Variants in GABRB1 observed in about 807,000 individuals in gnomAD.
GABRB1 encodes gamma-aminobutyric acid type A receptor subunit beta1.
Under a neutral mutation model 51.6 loss-of-function variants are expected in GABRB1, and 17 were observed. The observed-to-expected ratio is 0.33, with a 90% CI of 0.23 to 0.49. GABRB1 has a LOEUF of 0.49. Among genes scored for constraint, GABRB1 ranks in the 20% least tolerant of loss-of-function variants. The pLI, the probability that GABRB1 is intolerant of heterozygous loss-of-function variation, is 0.99. For synonymous variants in GABRB1, 247 were observed against 218.9 expected, an observed-to-expected ratio of 1.13 and a Z score of -1.14; for missense variants, 410 against 600.6, an observed-to-expected ratio of 0.68 and a Z score of 3.32.
rs191381135 is a variant in GABRB1 at position 47,185,112 on chromosome 4, C to T, written c.461+23643C>T. On this transcript the variant is annotated intron_variant, in intron 4 of 8. Coordinates refer to ENST00000295454, the MANE Select transcript of GABRB1 (RefSeq NM_000812.4). ...TGTGCCTCAAAGAATGTTCTGCTTG[C>T]ATCTGACATTCAGAAAAATATTATT... Among the ~76,000 whole-genome samples the T allele has an allele frequency of 1.4e-3, 218 of 151,938 alleles. 2 individuals carry two copies. The highest frequency in any genetic ancestry group is 5.2e-3 in the African/African-American group (216 of 41,488).
intron 4 of GABRB1, among the ~76,000 whole-genome samples, chr4:47,316,797 A>G (rs2109959162): frequency 6.6e-6 from 1 of 151,990 alleles, no homozygotes; most frequent in East Asian, 1.9e-4. Context: ...TTGCTTGGTT[A>G]TTTAAGAATT....
chr4:47,237,335 A>AG (rs1450367647), intron 4 of GABRB1, among the ~76,000 whole-genome samples: 1 of 152,042 alleles, frequency 6.6e-6, no homozygotes, highest in African/African-American at 2.4e-5. Context: ...CAAGAGATTG[A>AG]GAAAAACCAG....
chr4:47,093,916 G>A (rs1291512576), intron 3 of GABRB1, among the ~76,000 whole-genome samples: 2 of 151,972 alleles, frequency 1.3e-5, no homozygotes, highest in Non-Finnish European at 2.9e-5. Context: ...CCCAATGAAT[G>A]GAGCAGCTTT....
chr4:47,137,355 A>C (rs1664861654), intron 3 of GABRB1, among the ~76,000 whole-genome samples: 1 of 152,078 alleles, frequency 6.6e-6, no homozygotes, highest in South Asian at 2.1e-4. Flanking sequence ...TTGGTGTGTG[A>C]GTTAACCAGA....
At chr4:47,197,498 T>C (rs952882358) in intron 4 of GABRB1, among the ~76,000 whole-genome samples, 2 of 152,192 alleles carry the variant, frequency 1.3e-5, no homozygotes, top group African/African-American at 2.4e-5. Context: ...CTGAATCTGA[T>C]GGAGGAAAAT....
chr4:47,078,478 A>G (rs1383235124), intron 3 of GABRB1, among the ~76,000 whole-genome samples: 1 of 152,150 alleles, frequency 6.6e-6, no homozygotes, highest in Non-Finnish European at 1.5e-5. Context: ...GCTTAATTTA[A>G]ATTATTTCTA....
At chr4:47,256,242 A>T (rs140181609) in intron 4 of GABRB1, among the ~76,000 whole-genome samples, 101 of 152,350 alleles carry the variant, frequency 6.6e-4, no homozygotes, top group African/African-American at 2.4e-3. Context: ...GGTCTGTAAT[A>T]AACTATATGA....
At chr4:47,165,944 G>A (rs1652184507) in intron 4 of GABRB1, among the ~76,000 whole-genome samples, 2 of 152,160 alleles carry the variant, frequency 1.3e-5, no homozygotes, top group Admixed American at 1.3e-4. Context: ...GACTTAATCT[G>A]TTGCTTCAAT....
At chr4:47,406,600 C>T in intron 7 of GABRB1, 82 bp from the exon 8 acceptor site, 1 of 1,553,380 alleles carries the variant, frequency 6.4e-7, no homozygotes, top group South Asian at 1.2e-5. Flanking sequence ...AAGGAAGTGG[C>T]AAATGGCATC....
At chr4:47,401,813 TATCTATCTAGC>T (rs1560370030) in intron 5 of GABRB1, among the ~76,000 whole-genome samples, 3 of 74,344 alleles carry the variant, frequency 4.0e-5, no homozygotes, top group African/African-American at 1.7e-4. Flanking sequence ...TCTATCTATC[TATCTATCTAGC>T]TATCTATCTA....
intron 4 of GABRB1, among the ~76,000 whole-genome samples, chr4:47,206,495 T>C (rs1720131535): frequency 1.3e-5 from 2 of 152,162 alleles, no homozygotes; most frequent in East Asian, 3.9e-4. Context: ...ATTTAATTCT[T>C]ATTTTGAAGC....
chr4:47,094,652 G>A (rs770951263), intron 3 of GABRB1, among the ~76,000 whole-genome samples: 1 of 151,794 alleles, frequency 6.6e-6, no homozygotes, highest in Non-Finnish European at 1.5e-5. Context: ...AAAAACAGCT[G>A]ATGTGTGCTA....
chr4:47,204,498 C>CCCT (rs1234036890), intron 4 of GABRB1, among the ~76,000 whole-genome samples: 153 of 152,128 alleles, frequency 1.0e-3, no homozygotes, highest in Non-Finnish European at 1.4e-3. Context: ...CTAACCCTAA[C>CCCT]ACTAACCCTA....
At chr4:47,051,752 G>T (rs7699999) in intron 3 of GABRB1, among the ~76,000 whole-genome samples, 2 of 152,060 alleles carry the variant, frequency 1.3e-5, no homozygotes, top group South Asian at 2.1e-4. Flanking sequence ...GGAAAGCACT[G>T]GACTTTTAAT....
intron 4 of GABRB1, among the ~76,000 whole-genome samples, chr4:47,298,749 A>T (rs535188515): frequency 6.6e-6 from 1 of 152,216 alleles, no homozygotes; most frequent in Non-Finnish European, 1.5e-5. Context: ...TTTAAAGTTC[A>T]TATGGAAACA....
rs184798553 is a variant in GABRB1, at chr4:47,213,995, G to A, written c.461+52526G>A. ...TTTTTCCTTCTCTCTGTTCATCCCC[G>A]CACCCCAAACAGCATAAATTACTCC... On this transcript the variant is annotated intron_variant, in intron 4 of 8. Coordinates refer to ENST00000295454, the MANE Select transcript of GABRB1 (RefSeq NM_000812.4). Among the ~76,000 whole-genome samples the A allele has an allele frequency of 7.9e-4, 120 of 151,766 alleles. 1 individual carries two copies. The highest frequency in any genetic ancestry group is 2.3e-3 in the African/African-American group (96 of 41,370).
intron 3 of GABRB1, among the ~76,000 whole-genome samples, chr4:47,046,573 G>A (rs1308547569): frequency 1.3e-5 from 2 of 152,054 alleles, no homozygotes; most frequent in African/African-American, 4.8e-5. Flanking sequence ...CTGAATATGA[G>A]ATCACAGTGA....
intron 5 of GABRB1, among the ~76,000 whole-genome samples, chr4:47,342,154 T>C (rs1578107522): frequency 6.6e-6 from 1 of 152,180 alleles, no homozygotes; most frequent in Non-Finnish European, 1.5e-5. Flanking sequence ...TGTTATTTTT[T>C]CATTTACTTT....
intron 5 of GABRB1, among the ~76,000 whole-genome samples, chr4:47,344,080 A>T (rs1165153798): frequency 6.6e-6 from 1 of 152,182 alleles, no homozygotes; most frequent in East Asian, 1.9e-4. Context: ...TTTCTCAGAG[A>T]ATAATCATGG....
Sources: gnomAD v4.1 joint callset for allele counts (sites outside exome capture counted in the v4.1 genomes callset) on GRCh38, gnomAD v4.1.1 for gene constraint, MANE v1.5 for transcripts, NCBI Gene and HGNC (gene_info 2026-07-23, HGNC 2026-07-21) for gene names.